SND1: variants seen among roughly 807,000 people sequenced by gnomAD.
The protein encoded by SND1 is staphylococcal nuclease and tudor domain containing 1.
Under a neutral mutation model 121.7 loss-of-function variants are expected in SND1, and 38 were observed. The ratio of observed to expected loss-of-function variants is 0.31; its 90% CI spans 0.24 to 0.41. The LOEUF (loss-of-function observed/expected upper bound fraction) is 0.41, where lower values mean the gene tolerates loss of function less well. Among genes scored for constraint, SND1 ranks in the 10% least tolerant of loss-of-function variants. SND1 has a pLI of 1.00. For missense variants in SND1, 868 were observed against 1,184.6 expected (o/e 0.73, Z 3.92); for synonymous variants, 401 against 447.4 (o/e 0.90, Z 1.31).
At chr7:127,869,620 C>T (rs1246158534) in intron 12 of SND1, among the ~76,000 whole-genome samples, 1 of 152,022 alleles carries the variant, frequency 6.6e-6, no homozygotes, top group East Asian at 1.9e-4. Flanking sequence ...TCCCATGTAC[C>T]TTTCACCCAG....
At position 128,023,434 on chromosome 7, in the gene SND1, A is replaced by G. The variant is rs576101159; in HGVS notation, c.1779+32378A>G. Among the ~76,000 whole-genome samples the G allele has an allele frequency of 7.9e-5, 12 of 152,292 alleles. No individual in the cohort carries two copies. The South Asian group carries it at 2.1e-3, about 26-fold the overall frequency. Reference sequence around the variant, plus strand: ...ACATTAGGAAGTTTACCTTCTTGGTAAAGGACCTAGGCTTCCCAAGGTCCC... The same window carrying G: ...ACATTAGGAAGTTTACCTTCTTGGTGAAGGACCTAGGCTTCCCAAGGTCCC... On this transcript the variant is annotated intron_variant, in intron 16 of 23. Coordinates refer to ENST00000354725, the MANE Select transcript of SND1 (RefSeq NM_014390.4).
intron 10 of SND1, among the ~76,000 whole-genome samples, chr7:127,759,106 G>A (rs1430218109): frequency 1.2e-5 from 1 of 86,798 alleles, no homozygotes; most frequent in Admixed American, 1.1e-4. Flanking sequence ...AGATAGGCAG[G>A]CAGGCAGATA....
chr7:127,857,809 A>G lies in SND1; in HGVS notation c.1343+13385A>G. The G allele has an allele frequency of 5.0e-6, 4 of 792,286 alleles. No individual in the cohort carries two copies. In the South Asian group the frequency reaches 5.8e-5, roughly 11 times the overall value. 49.1% of individuals were successfully genotyped at this position (792,286 alleles called of 1,614,324 possible). A position where few individuals can be genotyped will look rare whatever the true frequency, so the allele number is the denominator to read the frequency against. The stretch of plus-strand genomic sequence containing the variant: ...CACTTGGACCTCCTCCACAAAGTTC[A>G]GGAAAGAAGGGCCCACCAAACTAGG... On this transcript the variant is annotated intron_variant, in intron 12 of 23. Coordinates refer to ENST00000354725, the MANE Select transcript of SND1 (RefSeq NM_014390.4).
At chr7:127,746,988 C>T (rs976208232) in intron 10 of SND1, among the ~76,000 whole-genome samples, 22 of 152,066 alleles carry the variant, frequency 1.4e-4, no homozygotes, top group Non-Finnish European at 2.8e-4. Context: ...TTGGTTTTCT[C>T]GTTGTTGTTA....
intron 10 of SND1, among the ~76,000 whole-genome samples, chr7:127,766,543 A>T (rs1181256604): frequency 6.6e-6 from 1 of 152,128 alleles, no homozygotes; most frequent in Non-Finnish European, 1.5e-5. Context: ...TGGGAGGCCA[A>T]GGCGGGCGAA....
chr7:127,792,703 A>G (rs915818846), intron 10 of SND1, among the ~76,000 whole-genome samples: 3 of 152,216 alleles, frequency 2.0e-5, no homozygotes, highest in Admixed American at 6.5e-5. Context: ...TGGGACTCCA[A>G]GGTCTTGGGA....
intron 14 of SND1, among the ~76,000 whole-genome samples, chr7:127,917,575 T>A (rs1233876150): frequency 3.9e-5 from 6 of 152,074 alleles, no homozygotes; most frequent in Admixed American, 2.0e-4. Flanking sequence ...ATTTTTAAAA[T>A]TTTTTTTGTA....
rs774340973 is a variant in SND1 at position 127,694,921 on chromosome 7, G to A, written c.322G>A (p.Glu108Lys). The A allele has an allele frequency of 1.2e-6, 2 of 1,613,858 alleles. No homozygotes were observed. The highest frequency in any genetic ancestry group is 4.5e-5 in the East Asian group (2 of 44,888). ...TIENKTPQGR[E>K]YGMIYLGKDT... Reference sequence around the variant, plus strand: ...AGAAAACAAGACTCCCCAGGGGCGAGAGTATGGCATGATCTACCTTGGAAA... The same window carrying A: ...AGAAAACAAGACTCCCCAGGGGCGAAAGTATGGCATGATCTACCTTGGAAA... Residue 108 changes from glutamate to lysine, a missense_variant, in exon 3 of 24, where the codon GAG (glutamate) becomes AAG (lysine). Transcript: ENST00000354725.
At chr7:127,731,381 A>G (rs1348258938) in intron 10 of SND1, among the ~76,000 whole-genome samples, 2 of 152,042 alleles carry the variant, frequency 1.3e-5, no homozygotes, top group Non-Finnish European at 2.9e-5. Context: ...ATTTATTTCT[A>G]TTTCTTATAA....
chr7:127,724,617 A>G (rs1796552024), intron 10 of SND1, among the ~76,000 whole-genome samples: 1 of 152,226 alleles, frequency 6.6e-6, no homozygotes, highest in South Asian at 2.1e-4. Flanking sequence ...GACAGGGACC[A>G]CTTGTTGAAG....
intron 12 of SND1, among the ~76,000 whole-genome samples, chr7:127,861,565 C>G (rs1482214034): frequency 6.6e-6 from 1 of 152,172 alleles, no homozygotes; most frequent in Non-Finnish European, 1.5e-5. Flanking sequence ...ACCTCCGACT[C>G]CCAGGTTTAA....
In SND1 at chr7:127,902,894, A is replaced by T. The variant is rs568535786; in HGVS notation, c.1455-1853A>T. On this transcript the variant is annotated intron_variant, in intron 13 of 23. Coordinates refer to ENST00000354725, the MANE Select transcript of SND1 (RefSeq NM_014390.4). ...ACACCTGGCTGATTTATTTTATTTT[A>T]TTTTTTTTTGAGATGGAGTCTCTCT... 1.2e-3 allele frequency among the ~76,000 whole-genome samples: 166 copies of T among 143,094 alleles called. 1 individual carries two copies. The highest frequency in any genetic ancestry group is 3.5e-3 in the Middle Eastern group (1 of 288). The allele number at this position is 143,094 out of a possible 152,430, so 93.9% of individuals were successfully genotyped here. A position where few individuals can be genotyped will look rare whatever the true frequency, so the allele number is the denominator to read the frequency against.
At chr7:127,917,524 G>A (rs186313792) in intron 14 of SND1, among the ~76,000 whole-genome samples, 114 of 151,852 alleles carry the variant, frequency 7.5e-4, no homozygotes, top group Non-Finnish European at 1.1e-3. Context: ...TCTTTTTTGC[G>A]CGGGTAGCTG....
chr7:128,057,314 A>C (rs566465031), intron 16 of SND1, among the ~76,000 whole-genome samples: 21 of 152,354 alleles, frequency 1.4e-4, no homozygotes, highest in Non-Finnish European at 2.4e-4. Flanking sequence ...GGGGAGAGGA[A>C]GGACATGAAT....
intron 10 of SND1, among the ~76,000 whole-genome samples, chr7:127,794,445 T>C (rs1797974599): frequency 6.6e-6 from 1 of 152,238 alleles, no homozygotes; most frequent in Non-Finnish European, 1.5e-5. Flanking sequence ...ATATCCAGCC[T>C]TATTTTCCCT....
At chr7:127,886,549 G>T (rs1266251112) in intron 12 of SND1, among the ~76,000 whole-genome samples, 2 of 152,106 alleles carry the variant, frequency 1.3e-5, no homozygotes, top group African/African-American at 4.8e-5. Context: ...TTTGAGTAGG[G>T]CCTTTGGTGT....
chr7:127,706,610 A>G (rs954840369), intron 8 of SND1, among the ~76,000 whole-genome samples: 3 of 152,096 alleles, frequency 2.0e-5, no homozygotes, highest in East Asian at 1.9e-4. Flanking sequence ...TAATATCTAC[A>G]TGTTATATGA....
intron 10 of SND1, among the ~76,000 whole-genome samples, chr7:127,781,113 G>T (rs530431697): frequency 6.6e-6 from 1 of 152,218 alleles, no homozygotes. Flanking sequence ...TAAGAAAAGT[G>T]TCTGGTAGAA....
At chr7:127,939,478 A>C (rs1215769609) in intron 15 of SND1, among the ~76,000 whole-genome samples, 1 of 152,232 alleles carries the variant, frequency 6.6e-6, no homozygotes, top group African/African-American at 2.4e-5. Context: ...TGGCAGTCAC[A>C]GACCTTGGAG....
Sources: gnomAD v4.1 joint callset for allele counts (sites outside exome capture counted in the v4.1 genomes callset) on GRCh38, gnomAD v4.1.1 for gene constraint, MANE v1.5 for transcripts, NCBI Gene and HGNC (gene_info 2026-07-23, HGNC 2026-07-21) for gene names.